MYLK: variants seen among roughly 807,000 people sequenced by gnomAD.
MYLK encodes the protein myosin light chain kinase.
In MYLK, 106 loss-of-function variants were observed where a neutral mutation model predicts 203.4. The observed-to-expected ratio is 0.52, with a 90% CI of 0.45 to 0.61. The LOEUF is 0.61. MYLK is among the 20% of genes least tolerant of loss of function. The pLI, the probability that MYLK is intolerant of heterozygous loss-of-function variation, is 0.00. For missense variants in MYLK, 2,072 were observed against 2,442.3 expected (o/e 0.85, Z 3.20); for synonymous variants, 867 against 959.5 (o/e 0.90, Z 1.78).
intron 19 of MYLK, among the ~76,000 whole-genome samples, chr3:123,685,550 G>A (rs746926995): frequency 6.7e-6 from 1 of 149,066 alleles, no homozygotes; most frequent in Non-Finnish European, 1.5e-5. Flanking sequence ...TCGTGCCGCT[G>A]CAGTGATCAT....
intron 18 of MYLK, 147 bp downstream of exon 18, chr3:123,699,873 C>T: frequency 9.5e-7 from 1 of 1,050,474 alleles, no homozygotes; most frequent in Non-Finnish European, 1.4e-6. Context: ...ACGCGGCCCT[C>T]CTACCCAGCA....
At chr3:123,680,764 T>C (rs1043835524) in intron 20 of MYLK, among the ~76,000 whole-genome samples, 4 of 152,242 alleles carry the variant, frequency 2.6e-5, no homozygotes, top group African/African-American at 9.6e-5. Context: ...AAGATTGTAG[T>C]CTGAGTTAAC....
chr3:123,739,852 T>C (rs2062804659), intron 6 of MYLK, 101 bp downstream of exon 6: 1 of 1,305,312 alleles, frequency 7.7e-7, no homozygotes. Flanking sequence ...CTTTGGTTAT[T>C]ATAACCTAGG....
intron 5 of MYLK, among the ~76,000 whole-genome samples, chr3:123,750,826 A>C (rs1016657928): frequency 7.2e-5 from 11 of 152,222 alleles, no homozygotes; most frequent in Non-Finnish European, 1.6e-4. Context: ...GGTTCTGAGC[A>C]GGGGCCACTT....
At chr3:123,768,211 G>A (rs1050742299) in intron 4 of MYLK, among the ~76,000 whole-genome samples, 3 of 152,232 alleles carry the variant, frequency 2.0e-5, no homozygotes, top group Admixed American at 6.5e-5. Context: ...TTCCAAAGCC[G>A]TTTTCTGTCT....
At chr3:123,742,305 C>A (rs756139965) in intron 5 of MYLK, among the ~76,000 whole-genome samples, 4 of 152,126 alleles carry the variant, frequency 2.6e-5, no homozygotes, top group Non-Finnish European at 5.9e-5. Flanking sequence ...TTGTTAAATA[C>A]ATTTTGTGCA....
intron 4 of MYLK, among the ~76,000 whole-genome samples, chr3:123,765,874 A>G (rs536637274): frequency 1.1e-4 from 16 of 152,326 alleles, no homozygotes; most frequent in Non-Finnish European, 2.2e-4. Flanking sequence ...AGTAAAATTC[A>G]TAGAGACAGA....
intron 3 of MYLK, among the ~76,000 whole-genome samples, chr3:123,800,931 T>C (rs956481389): frequency 2.0e-5 from 3 of 152,218 alleles, no homozygotes; most frequent in Non-Finnish European, 2.9e-5. Flanking sequence ...CTGCTGTCAA[T>C]ATTTACAGTA....
intron 24 of MYLK, among the ~76,000 whole-genome samples, chr3:123,652,670 C>G (rs142114583): frequency 4.6e-5 from 7 of 152,336 alleles, no homozygotes; most frequent in Non-Finnish European, 8.8e-5. Flanking sequence ...GCCTCAGTCA[C>G]AGTAGCTGTT....
chr3:123,778,512 C>A (rs1230310120), intron 4 of MYLK, among the ~76,000 whole-genome samples: 22 of 98,116 alleles, frequency 2.2e-4, no homozygotes, highest in African/African-American at 4.8e-4. Context: ...GACTCTGCCT[C>A]AAAAAAAAAA....
In MYLK at chr3:123,851,891, T is replaced by C. The variant is rs145081179; in HGVS notation, c.-126-20221A>G. Reference sequence around the variant, plus strand: ...ATATTGGCTGTGGGTTTGTCATAAATAGCTCTTATTATTTTGAGATACATC... The same window carrying C: ...ATATTGGCTGTGGGTTTGTCATAAACAGCTCTTATTATTTTGAGATACATC... On this transcript the variant is annotated intron_variant, in intron 2 of 33. Transcript: ENST00000360304. Among the ~76,000 whole-genome samples the C allele has an allele frequency of 3.5e-3, 528 of 152,318 alleles. 4 individuals carry two copies. Among genetic ancestry groups the C allele is most frequent in the African/African-American group, 0.012 (502 of 41,568 alleles).
chr3:123,829,111 A>G (rs1279473834), intron 3 of MYLK, among the ~76,000 whole-genome samples: 1 of 152,226 alleles, frequency 6.6e-6, no homozygotes, highest in African/African-American at 2.4e-5. Context: ...CCAAAGGAAA[A>G]AAGGAAATCA....
At chr3:123,822,489 C>A (rs1259273743) in intron 3 of MYLK, among the ~76,000 whole-genome samples, 5 of 152,138 alleles carry the variant, frequency 3.3e-5, no homozygotes, top group African/African-American at 1.2e-4. Flanking sequence ...ATGAGGGACT[C>A]CTCCATCCTT....
At chr3:123,871,365 G>A (rs774785259) in intron 2 of MYLK, among the ~76,000 whole-genome samples, 12 of 152,040 alleles carry the variant, frequency 7.9e-5, no homozygotes, top group Non-Finnish European at 1.8e-4. Flanking sequence ...AAAACATTGA[G>A]AAAACTCAAA....
chr3:123,637,155 C>T (rs1465852637), intron 29 of MYLK, among the ~76,000 whole-genome samples: 1 of 152,172 alleles, frequency 6.6e-6, no homozygotes, highest in Non-Finnish European at 1.5e-5. Flanking sequence ...TGAAAGCATA[C>T]ACATCTGCAT....
chr3:123,835,650 C>G (rs1231825804), intron 2 of MYLK, among the ~76,000 whole-genome samples: 1 of 152,162 alleles, frequency 6.6e-6, no homozygotes, highest in Admixed American at 6.5e-5. Context: ...CAGAAGCAGC[C>G]TCAGAAGCAA....
intron 4 of MYLK, among the ~76,000 whole-genome samples, chr3:123,758,275 C>G (rs550292016): frequency 1.3e-5 from 2 of 152,160 alleles, no homozygotes; most frequent in African/African-American, 4.8e-5. Context: ...CCATTGCCAA[C>G]AGTCAAAAGC....
Position 123,649,196 on chromosome 3 carries a change from T to TTG in MYLK, c.4289-3_4289-2insCA, listed in dbSNP as rs200371896. 6.2e-7 allele frequency: 1 copy of TTG among 1,605,394 alleles called. No homozygotes were observed. The highest frequency in any genetic ancestry group is 1.3e-5 in the African/African-American group (1 of 74,326). ...ACACCTCCACTTCATCCTTCGGCTC[T>TTG]GGGGGGGGCACAAGGAAGGACAGAG... is the stretch of plus-strand genomic sequence containing the variant. On this transcript the variant is annotated splice_polypyrimidine_tract_variant and splice_region_variant and intron_variant, in intron 24 of 33. Coordinates refer to ENST00000360304, the MANE Select transcript of MYLK (RefSeq NM_053025.4).
chr3:123,647,558 C>T (rs2059064613), intron 26 of MYLK, 131 bp from the exon 27 acceptor site: 2 of 787,120 alleles, frequency 2.5e-6, no homozygotes, highest in Non-Finnish European at 4.3e-6. Context: ...TACTGGAGCA[C>T]AGCCCTGCCT....
Sources: allele counts gnomAD v4.1 joint callset (sites outside exome capture counted in the v4.1 genomes callset), GRCh38; gene constraint gnomAD v4.1.1; transcripts MANE v1.5; gene names NCBI Gene and HGNC (gene_info 2026-07-23, HGNC 2026-07-21).